Variants in IGF1R observed in about 807,000 individuals in gnomAD.
IGF1R encodes insulin like growth factor 1 receptor, also known as insulin-like growth factor 1 receptor.
Under a neutral mutation model 144.6 loss-of-function variants are expected in IGF1R, and 44 were observed. The ratio of observed to expected loss-of-function variants is 0.30; its 90% CI spans 0.24 to 0.39. The LOEUF (loss-of-function observed/expected upper bound fraction) is 0.39, where lower values mean the gene tolerates loss of function less well. Among genes scored for constraint, IGF1R ranks in the 10% least tolerant of loss-of-function variants. The pLI, the probability that IGF1R is intolerant of heterozygous loss-of-function variation, is 1.00. For missense variants in IGF1R, 1,355 were observed against 1,833.7 expected, an observed-to-expected ratio of 0.74 and a Z score of 4.77; for synonymous variants, 795 against 722.8, an observed-to-expected ratio of 1.10 and a Z score of -1.60.
chr15:98,738,171 C>T (rs763162424), intron 2 of IGF1R, among the ~76,000 whole-genome samples: 39 of 152,136 alleles, frequency 2.6e-4, no homozygotes, highest in Non-Finnish European at 4.4e-4. Context: ...TACCCTTTAC[C>T]GGGGTAAAAC....
chr15:98,851,323 G>GT lies in IGF1R; in HGVS notation c.641-39999dup, dbSNP rs527653596. 4.6e-5 allele frequency among the ~76,000 whole-genome samples: 7 copies of GT among 152,336 alleles called. No homozygotes were observed. In the South Asian group the frequency reaches 1.5e-3, roughly 32 times the overall value. On this transcript the variant is annotated intron_variant, in intron 2 of 20. Coordinates refer to ENST00000650285, the MANE Select transcript of IGF1R (RefSeq NM_000875.5). The stretch of plus-strand genomic sequence containing the variant: ...GGCAGAGAGGCCCCCCAGGTGGCAA[G>GT]TTTGCACCCTGTTGCTTCCTGCAAG...
At chr15:98,672,573 A>C (rs961988998) in intron 1 of IGF1R, among the ~76,000 whole-genome samples, 3 of 150,886 alleles carry the variant, frequency 2.0e-5, no homozygotes, top group Admixed American at 6.6e-5. Context: ...CCATCTCAAA[A>C]AAAAAAAAAA....
intron 2 of IGF1R, among the ~76,000 whole-genome samples, chr15:98,862,299 A>G (rs2012200387): frequency 6.6e-6 from 1 of 152,270 alleles, no homozygotes; most frequent in African/African-American, 2.4e-5. Flanking sequence ...AGTTGTCACA[A>G]GGATCCAGGA....
intron 2 of IGF1R, chr15:98,824,244 T>C (rs1459645235): frequency 1.3e-5 from 2 of 152,166 alleles, no homozygotes; most frequent in Non-Finnish European, 2.9e-5. Context: ...CACTTGCTGG[T>C]GAGTATTGAA....
At position 98,943,047 on chromosome 15, in the gene IGF1R, C is replaced by T. The variant is rs35362396; in HGVS notation, c.3582C>T (p.Asp1194=). The T allele has an allele frequency of 2.0e-4, 318 of 1,614,214 alleles. No homozygotes were observed. The African/African-American group carries it at 3.2e-3, about 16-fold the overall frequency. ...ATGGAGTCTTCACCACTTACTCGGACGTCTGGTATGAGAACCTTTACTGCA... is the reference window on the plus strand; with the variant it reads ...ATGGAGTCTTCACCACTTACTCGGATGTCTGGTATGAGAACCTTTACTGCA... ...LKDGVFTTYS[D]VWSFGVVLWE... The change falls in exon 19 of 21, where the codon GAC becomes GAT. Residue 1194 remains aspartate (D), a synonymous_variant. Coordinates refer to ENST00000650285, the MANE Select transcript of IGF1R (RefSeq NM_000875.5).
At chr15:98,760,159 G>A (rs184051863) in intron 2 of IGF1R, among the ~76,000 whole-genome samples, 7 of 151,426 alleles carry the variant, frequency 4.6e-5, no homozygotes, top group Non-Finnish European at 8.8e-5. Context: ...GGCCAACATG[G>A]TGAAACTCCT....
Position 98,802,779 on chromosome 15 carries a change from G to A in IGF1R, c.641-88546G>A, listed in dbSNP as rs377174072. On this transcript the variant is annotated intron_variant, in intron 2 of 20. Coordinates refer to ENST00000650285, the MANE Select transcript of IGF1R (RefSeq NM_000875.5). ...ACAAGATATTTTTTCTCATATATTA[G>A]CGGTCTTAAGTGAGTGAGACCCCTA... 1.6e-3 allele frequency among the ~76,000 whole-genome samples: 248 copies of A among 152,246 alleles called. 2 individuals are homozygous for A. Among genetic ancestry groups the A allele is most frequent in the African/African-American group, 5.6e-3 (234 of 41,552 alleles).
At position 98,958,191 on chromosome 15, in the gene IGF1R, C is replaced by G. The variant is rs1460918614; in HGVS notation, c.*749C>G. 8.6e-6 allele frequency: 2 copies of G among 232,958 alleles called. No individual in the cohort carries two copies. Among genetic ancestry groups the G allele is most frequent in the Non-Finnish European group, 1.7e-5 (2 of 117,734 alleles). The allele number at this position is 232,958 out of a possible 1,614,324, so 14.4% of individuals were successfully genotyped here. On this transcript the variant is annotated 3_prime_UTR_variant, in exon 21 of 21. Transcript: ENST00000650285. ...TGTGCTGCTCAAGGCCACAGGCACACAGGTCTCATTGCTTCTGACTAGATT... is the reference window on the plus strand; with the variant it reads ...TGTGCTGCTCAAGGCCACAGGCACAGAGGTCTCATTGCTTCTGACTAGATT...
chr15:98,716,992 C>T (rs1454810617), intron 2 of IGF1R, among the ~76,000 whole-genome samples: 2 of 152,196 alleles, frequency 1.3e-5, no homozygotes, highest in Admixed American at 6.5e-5. Context: ...GACTGGTCTT[C>T]AGGATGTTTA....
intron 13 of IGF1R, among the ~76,000 whole-genome samples, chr15:98,927,138 G>A (rs982648243): frequency 6.6e-6 from 1 of 152,172 alleles, no homozygotes; most frequent in Non-Finnish European, 1.5e-5. Context: ...GATGCCAGTG[G>A]GAAATCGGGA....
chr15:98,654,480 G>A (rs1411267109), intron 1 of IGF1R, among the ~76,000 whole-genome samples: 2 of 152,090 alleles, frequency 1.3e-5, no homozygotes, highest in African/African-American at 4.8e-5. Flanking sequence ...ATAATTTCAG[G>A]GCATTTTATA....
intron 2 of IGF1R, among the ~76,000 whole-genome samples, chr15:98,772,400 A>G (rs1366542929): frequency 6.6e-6 from 1 of 151,406 alleles, no homozygotes; most frequent in East Asian, 1.9e-4. Flanking sequence ...TTAATATTGA[A>G]CAAGCTGTTC....
chr15:98,725,552 G>A (rs184260373), intron 2 of IGF1R, among the ~76,000 whole-genome samples: 7 of 152,230 alleles, frequency 4.6e-5, no homozygotes, highest in African/African-American at 7.2e-5. Context: ...CATGCATGCC[G>A]GTCTTTGGGA....
chr15:98,757,458 C>CG (rs1412986159), intron 2 of IGF1R, among the ~76,000 whole-genome samples: 1 of 152,132 alleles, frequency 6.6e-6, no homozygotes, highest in African/African-American at 2.4e-5. Flanking sequence ...GCCACCACAC[C>CG]GGGCCCCTTT....
At chr15:98,783,195 A>G (rs2055897997) in intron 2 of IGF1R, among the ~76,000 whole-genome samples, 1 of 152,174 alleles carries the variant, frequency 6.6e-6, no homozygotes, top group South Asian at 2.1e-4. Flanking sequence ...TCCATGCACC[A>G]TTTTCCTCCA....
At chr15:98,722,055 G>C (rs2054258533) in intron 2 of IGF1R, among the ~76,000 whole-genome samples, 1 of 152,172 alleles carries the variant, frequency 6.6e-6, no homozygotes, top group African/African-American at 2.4e-5. Flanking sequence ...AGGTTTCCTT[G>C]CTAGTTCCTT....
At chr15:98,857,147 C>T (rs971505907) in intron 2 of IGF1R, among the ~76,000 whole-genome samples, 8 of 152,168 alleles carry the variant, frequency 5.3e-5, no homozygotes, top group Admixed American at 2.6e-4. Context: ...AGTTGGAAAG[C>T]TGATGCTTTA....
At chr15:98,928,189 G>T (rs1199763503) in intron 13 of IGF1R, among the ~76,000 whole-genome samples, 2 of 152,124 alleles carry the variant, frequency 1.3e-5, no homozygotes, top group South Asian at 2.1e-4. Flanking sequence ...ACTCGCCTTG[G>T]GGGGATGGTA....
intron 1 of IGF1R, among the ~76,000 whole-genome samples, chr15:98,705,552 C>T (rs2053840942): frequency 6.6e-6 from 1 of 152,170 alleles, no homozygotes; most frequent in African/African-American, 2.4e-5. Flanking sequence ...GTGTCATTTT[C>T]TCTTTGGTAA....
Sources: gnomAD v4.1 joint callset for allele counts (sites outside exome capture counted in the v4.1 genomes callset) on GRCh38, gnomAD v4.1.1 for gene constraint, MANE v1.5 for transcripts, NCBI Gene and HGNC (gene_info 2026-07-23, HGNC 2026-07-21) for gene names.